The following GTF2H1 variants were observed in gnomAD, a reference collection of about 807,000 sequenced individuals.
GTF2H1 encodes general transcription factor IIH subunit 1, also known as BTF2 p62.
A neutral mutation model predicts 71.2 loss-of-function variants in GTF2H1; 16 were observed. That is an observed-to-expected ratio of 0.22 (90% confidence interval 0.15 to 0.34). The LOEUF is 0.34. Ranked by LOEUF, GTF2H1 falls within the 10% of genes least tolerant of loss-of-function variation. The pLI is 1.00. For missense variants in GTF2H1, 498 were observed against 648.2 expected, an observed-to-expected ratio of 0.77 and a Z score of 2.52; for synonymous variants, 215 against 219.0, an observed-to-expected ratio of 0.98 and a Z score of 0.16.
In GTF2H1 at chr11:18,352,351, A is replaced by G. The variant is rs771130149; in HGVS notation, c.1165A>G (p.Ile389Val). ...CAGGTATTATCATGGTCCAACTCCA[A>G]TCCAGTCACTACAGTATGCAACAAG... The part of the protein sequence containing the change: ...SDRYYHGPTP[I>V]QSLQYATSQD... The change falls in exon 11 of 15, where the codon ATC (isoleucine) becomes GTC (valine). Residue 389 changes from isoleucine (I) to valine (V), a missense_variant. Transcript: ENST00000265963. 6.5e-6 allele frequency: 10 copies of G among 1,538,602 alleles called. No individual in the cohort carries two copies. The highest frequency in any genetic ancestry group is 5.6e-5 in the South Asian group (5 of 89,166).
chr11:18,354,402 A>G (rs1305544726), intron 11 of GTF2H1, among the ~76,000 whole-genome samples: 2 of 152,092 alleles, frequency 1.3e-5, no homozygotes, highest in Non-Finnish European at 2.9e-5. Flanking sequence ...TAAATACCCC[A>G]TTTGTCACCA....
At chr11:18,329,551 C>T (rs963011382) in intron 1 of GTF2H1, among the ~76,000 whole-genome samples, 2 of 152,212 alleles carry the variant, frequency 1.3e-5, no homozygotes, top group Non-Finnish European at 2.9e-5. Context: ...CAAATCACTC[C>T]CCTATTCAAA....
At chr11:18,324,036 T>G (rs1467922937) in intron 1 of GTF2H1, among the ~76,000 whole-genome samples, 2 of 146,792 alleles carry the variant, frequency 1.4e-5, no homozygotes, top group African/African-American at 2.5e-5. Flanking sequence ...TGGTCTGCTA[T>G]CCTCACTCAG....
chr11:18,360,539 A>T, intron 13 of GTF2H1, 76 bp from the exon 14 acceptor site: 13 of 674,586 alleles, frequency 1.9e-5, no homozygotes, highest in Non-Finnish European at 5.1e-6. Flanking sequence ...TAACTTTCAT[A>T]TGTAGAAGAT....
At chr11:18,358,469 G>T in intron 12 of GTF2H1, 56 bp from the exon 13 acceptor site, 3 of 959,886 alleles carry the variant, frequency 3.1e-6, no homozygotes, top group South Asian at 2.9e-5. Flanking sequence ...CATTTTTTTC[G>T]AGACTGTATA....
chr11:18,344,033 C>T (rs1229330998), intron 7 of GTF2H1, among the ~76,000 whole-genome samples: 1 of 152,084 alleles, frequency 6.6e-6, no homozygotes, highest in Non-Finnish European at 1.5e-5. Flanking sequence ...CCTATATTTC[C>T]CAGGCTGGTC....
At chr11:18,347,503 C>A in intron 7 of GTF2H1, 85 bp from the exon 8 acceptor site, 1 of 908,864 alleles carries the variant, frequency 1.1e-6, no homozygotes, top group Non-Finnish European at 1.6e-6. Flanking sequence ...GTCCCATCAT[C>A]CAGCAAATTT....
At chr11:18,355,318 T>C (rs1022020495) in intron 11 of GTF2H1, among the ~76,000 whole-genome samples, 4 of 151,510 alleles carry the variant, frequency 2.6e-5, no homozygotes, top group Non-Finnish European at 4.4e-5. Context: ...AATTTTTTTG[T>C]ATTTTTAGTA....
At chr11:18,365,089 A>C (rs1422572508) in intron 14 of GTF2H1, among the ~76,000 whole-genome samples, 1 of 151,210 alleles carries the variant, frequency 6.6e-6, no homozygotes, top group Non-Finnish European at 1.5e-5. Context: ...AAAAAAAAAA[A>C]AAACCTGGCC....
intron 14 of GTF2H1, 137 bp downstream of exon 14, chr11:18,360,844 C>G: frequency 3.6e-6 from 2 of 558,204 alleles, no homozygotes; most frequent in East Asian, 3.5e-5. Flanking sequence ...CTCACTCTGT[C>G]GCCCAGGCTG....
chr11:18,348,592 T>C (rs1289481584), intron 9 of GTF2H1: 1 of 152,234 alleles, frequency 6.6e-6, no homozygotes, highest in Non-Finnish European at 1.5e-5. Context: ...GAAATATTCA[T>C]TACAGTATCA....
chr11:18,351,389 C>G lies in GTF2H1; in HGVS notation c.1054-492C>G, dbSNP rs1323495493. ...CTCTGCCTCCCGGGTTCAAGCGATTCTCCTGCCTCAGCCTCCCAAGTAGCT... is the reference window on the plus strand; with the variant it reads ...CTCTGCCTCCCGGGTTCAAGCGATTGTCCTGCCTCAGCCTCCCAAGTAGCT... On this transcript the variant is annotated intron_variant, in intron 9 of 14. Transcript: ENST00000265963. 4.0e-5 allele frequency among the ~76,000 whole-genome samples: 6 copies of G among 150,560 alleles called. No homozygotes were observed. The Admixed American group carries it at 4.0e-4, about 10-fold the overall frequency.
intron 14 of GTF2H1, among the ~76,000 whole-genome samples, chr11:18,364,203 CAG>C (rs1865769195): frequency 6.6e-6 from 1 of 152,124 alleles, no homozygotes; most frequent in Admixed American, 6.5e-5. Flanking sequence ...AGTTTCCAGA[CAG>C]AGCTAAATAT....
intron 1 of GTF2H1, among the ~76,000 whole-genome samples, chr11:18,324,700 T>C (rs905450539): frequency 2.0e-5 from 3 of 152,226 alleles, no homozygotes; most frequent in Non-Finnish European, 4.4e-5. Context: ...CTGCCTTCAG[T>C]GTGGCAGTAT....
At chr11:18,349,484 A>G (rs889403546) in intron 9 of GTF2H1, among the ~76,000 whole-genome samples, 2 of 152,120 alleles carry the variant, frequency 1.3e-5, no homozygotes, top group Non-Finnish European at 2.9e-5. Context: ...GAATTTCTAG[A>G]TCAGCCTGGC....
At chr11:18,331,050 T>G (rs1440963406) in intron 1 of GTF2H1, among the ~76,000 whole-genome samples, 7 of 152,140 alleles carry the variant, frequency 4.6e-5, no homozygotes, top group African/African-American at 1.2e-4. Context: ...TCCAGTGGTT[T>G]GTTTTGTTTT....
intron 9 of GTF2H1, 105 bp from the exon 10 acceptor site, chr11:18,351,776 G>A: frequency 1.6e-6 from 1 of 630,938 alleles, no homozygotes; most frequent in South Asian, 2.1e-5. Context: ...CTCATGGTGG[G>A]AAGACTTCAT....
intron 11 of GTF2H1, among the ~76,000 whole-genome samples, chr11:18,354,168 A>G (rs1865488552): frequency 6.6e-6 from 1 of 152,216 alleles, no homozygotes; most frequent in Non-Finnish European, 1.5e-5. Context: ...CCTCATGACT[A>G]GATTCACATT....
At chr11:18,355,255 G>A (rs1865515880) in intron 11 of GTF2H1, among the ~76,000 whole-genome samples, 1 of 151,050 alleles carries the variant, frequency 6.6e-6, no homozygotes. Context: ...CCATTCTCCT[G>A]CCTCAGCCTC....
Sources: gnomAD v4.1 joint callset for allele counts (sites outside exome capture counted in the v4.1 genomes callset) on GRCh38, gnomAD v4.1.1 for gene constraint, MANE v1.5 for transcripts, NCBI Gene and HGNC (gene_info 2026-07-23, HGNC 2026-07-21) for gene names.